The following PLCL1 variants were observed in gnomAD, a reference collection of about 807,000 sequenced individuals.
PLCL1 encodes inactive phospholipase C-like protein 1.
Under a neutral mutation model 84.4 loss-of-function variants are expected in PLCL1, and 41 were observed. The ratio of observed to expected loss-of-function variants is 0.49; its 90% CI spans 0.38 to 0.63. PLCL1 has a LOEUF of 0.63. Among genes scored for constraint, PLCL1 ranks in the 30% least tolerant of loss-of-function variants. The probability of loss-of-function intolerance (pLI) is 0.00; values close to 1 mark genes in which losing one functional copy is unlikely to be tolerated. For synonymous variants in PLCL1, 490 were observed against 488.3 expected (o/e 1.00, Z -0.05); for missense variants, 1,206 against 1,367.8 (o/e 0.88, Z 1.87).
chr2:198,136,705 G>T (rs1010790891), intron 5 of PLCL1, among the ~76,000 whole-genome samples: 47 of 151,970 alleles, frequency 3.1e-4, no homozygotes, highest in African/African-American at 1.1e-3. Flanking sequence ...TGACTGATGA[G>T]GCCTCACATT....
intron 3 of PLCL1, among the ~76,000 whole-genome samples, chr2:198,089,755 A>G (rs994821824): frequency 1.4e-4 from 22 of 152,338 alleles, no homozygotes; most frequent in African/African-American, 2.9e-4. Flanking sequence ...ATGGATATTA[A>G]GGGACAACCA....
At chr2:198,115,915 A>C (rs1202656485) in intron 5 of PLCL1, among the ~76,000 whole-genome samples, 3 of 148,922 alleles carry the variant, frequency 2.0e-5, no homozygotes, top group African/African-American at 7.3e-5. Context: ...ATATATAAAA[A>C]ATTTTTATGA....
intron 3 of PLCL1, among the ~76,000 whole-genome samples, chr2:198,097,818 G>A (rs571699927): frequency 4.7e-4 from 71 of 152,230 alleles, no homozygotes; most frequent in African/African-American, 1.7e-3. Flanking sequence ...TACACCAAAG[G>A]CAGTGGACTT....
intron 1 of PLCL1, among the ~76,000 whole-genome samples, chr2:198,025,701 G>A (rs1691247394): frequency 6.6e-6 from 1 of 152,042 alleles, no homozygotes; most frequent in African/African-American, 2.4e-5. Context: ...ACAACCTTGA[G>A]GAAAGCAGTG....
intron 1 of PLCL1, among the ~76,000 whole-genome samples, chr2:197,838,487 A>G (rs1273767643): frequency 6.6e-6 from 1 of 152,228 alleles, no homozygotes; most frequent in Non-Finnish European, 1.5e-5. Context: ...TTTTCAGGAA[A>G]TGAATGATGT....
chr2:198,118,278 G>C (rs895728044), intron 5 of PLCL1, among the ~76,000 whole-genome samples: 2 of 151,850 alleles, frequency 1.3e-5, no homozygotes, highest in Non-Finnish European at 2.9e-5. Flanking sequence ...AAATCATTCG[G>C]TCATCCTCTA....
At chr2:198,067,177 G>T (rs1692344148) in intron 1 of PLCL1, among the ~76,000 whole-genome samples, 1 of 147,982 alleles carries the variant, frequency 6.8e-6, no homozygotes, top group Non-Finnish European at 1.5e-5. Context: ...CACCCAGGCT[G>T]GAGAGAAATG....
intron 1 of PLCL1, among the ~76,000 whole-genome samples, chr2:197,881,501 C>T (rs1687827023): frequency 6.8e-6 from 1 of 147,518 alleles, no homozygotes; most frequent in South Asian, 2.1e-4. Context: ...AGCAGTCTGT[C>T]TGGAAGAAGG....
intron 1 of PLCL1, among the ~76,000 whole-genome samples, chr2:197,910,675 AC>A (rs1472715886): frequency 5.3e-5 from 8 of 152,258 alleles, no homozygotes; most frequent in Admixed American, 3.3e-4. Context: ...ATTCCCGGCA[AC>A]CCGAAAATAT....
chr2:197,902,407 A>T (rs1307376114), intron 1 of PLCL1, among the ~76,000 whole-genome samples: 1 of 152,214 alleles, frequency 6.6e-6, no homozygotes, highest in African/African-American at 2.4e-5. Flanking sequence ...TTTAGGCAGC[A>T]TGGCAAGTTT....
intron 1 of PLCL1, among the ~76,000 whole-genome samples, chr2:197,867,177 C>T (rs1687565046): frequency 6.6e-6 from 1 of 152,156 alleles, no homozygotes; most frequent in South Asian, 2.1e-4. Context: ...CAGGGAAGGG[C>T]ATTTCTGCAA....
intron 1 of PLCL1, among the ~76,000 whole-genome samples, chr2:197,812,003 C>T (rs896181596): frequency 1.3e-5 from 2 of 152,148 alleles, no homozygotes; most frequent in African/African-American, 4.8e-5. Context: ...ATTTATTGTT[C>T]CTCTCTTTGT....
chr2:198,007,974 A>G (rs1468880357), intron 1 of PLCL1, among the ~76,000 whole-genome samples: 2 of 152,118 alleles, frequency 1.3e-5, no homozygotes, highest in African/African-American at 4.8e-5. Context: ...CCCAGCAGCC[A>G]AGGCAAAAAG....
intron 1 of PLCL1, among the ~76,000 whole-genome samples, chr2:197,937,422 C>T (rs1689074248): frequency 6.6e-6 from 1 of 152,122 alleles, no homozygotes; most frequent in South Asian, 2.1e-4. Flanking sequence ...ATAATCTTTC[C>T]ATTTATTTAT....
intron 1 of PLCL1, among the ~76,000 whole-genome samples, chr2:197,924,737 T>A (rs1470240693): frequency 1.3e-5 from 2 of 151,816 alleles, no homozygotes; most frequent in Non-Finnish European, 2.9e-5. Context: ...CCTTCTTATC[T>A]GGGGGGGTCA....
chr2:197,998,600 T>C (rs913853384), intron 1 of PLCL1, among the ~76,000 whole-genome samples: 2 of 152,210 alleles, frequency 1.3e-5, no homozygotes, highest in African/African-American at 4.8e-5. Flanking sequence ...TTAGGACTGA[T>C]GACGCTGCAT....
At chr2:197,898,889 C>T (rs1054582062) in intron 1 of PLCL1, among the ~76,000 whole-genome samples, 1 of 151,862 alleles carries the variant, frequency 6.6e-6, no homozygotes, top group Non-Finnish European at 1.5e-5. Flanking sequence ...CTGCATACTG[C>T]ACTGTAGAGC....
intron 1 of PLCL1, among the ~76,000 whole-genome samples, chr2:198,049,731 A>T (rs761324066): frequency 6.6e-6 from 1 of 152,070 alleles, no homozygotes; most frequent in Admixed American, 6.5e-5. Flanking sequence ...GAAACTTGGC[A>T]CCTCCAGCTT....
At chr2:198,136,631 T>TCC (rs1000353987) in intron 5 of PLCL1, among the ~76,000 whole-genome samples, 1 of 152,066 alleles carries the variant, frequency 6.6e-6, no homozygotes, top group African/African-American at 2.4e-5. Context: ...AGCCAGCTTA[T>TCC]GTGGAAGGCT....
Sources: gnomAD v4.1 joint callset for allele counts (sites outside exome capture counted in the v4.1 genomes callset) on GRCh38, gnomAD v4.1.1 for gene constraint, MANE v1.5 for transcripts, NCBI Gene and HGNC (gene_info 2026-07-23, HGNC 2026-07-21) for gene names.